The following CSMD3 variants were observed in gnomAD, a reference collection of about 807,000 sequenced individuals.
CSMD3 encodes the protein CUB and sushi domain-containing protein 3.
CSMD3 carries 177 observed loss-of-function variants against 435.2 expected under a neutral mutation model. The observed-to-expected ratio is 0.41, with a 90% confidence interval of 0.36 to 0.46. The LOEUF is 0.46. Ranked by LOEUF, CSMD3 falls within the 20% of genes least tolerant of loss-of-function variation. CSMD3 has a pLI of 0.34. For synonymous variants in CSMD3, 1,656 were observed against 1,520.5 expected, an observed-to-expected ratio of 1.09 and a Z score of -2.07; for missense variants, 4,265 against 4,504.6, an observed-to-expected ratio of 0.95 and a Z score of 1.52.
At chr8:112,507,858 A>G (rs1435536419) in intron 28 of CSMD3, among the ~76,000 whole-genome samples, 1 of 151,870 alleles carries the variant, frequency 6.6e-6, no homozygotes, top group Non-Finnish European at 1.5e-5. Context: ...TCAGTACCTG[A>G]GTCACTCTCA....
chr8:113,274,126 T>C lies in CSMD3; in HGVS notation c.514+4466A>G, dbSNP rs998912930. Among the ~76,000 whole-genome samples the C allele has an allele frequency of 2.0e-5, 3 of 152,064 alleles. No homozygotes were observed. The East Asian group carries it at 5.8e-4, about 29-fold the overall frequency. ...TAAAGTTTTTACATTTTGAAAATCATAATTTCAATATAAAAATTTTAAATG... is the reference window on the plus strand; with the variant it reads ...TAAAGTTTTTACATTTTGAAAATCACAATTTCAATATAAAAATTTTAAATG... On this transcript the variant is annotated intron_variant, in intron 3 of 70. Transcript: ENST00000297405.
chr8:112,403,751 T>C (rs1162831036), intron 35 of CSMD3, among the ~76,000 whole-genome samples: 2 of 151,806 alleles, frequency 1.3e-5, no homozygotes, highest in East Asian at 1.9e-4. Flanking sequence ...CATAAGAATC[T>C]GTGTGTGTTG....
chr8:113,293,236 C>CAT (rs34334494), intron 2 of CSMD3, among the ~76,000 whole-genome samples: 44,689 of 148,866 alleles, frequency 0.3, 7,724 homozygotes, highest in East Asian at 0.69. Flanking sequence ...TATATATATA[C>CAT]ATATATATAT....
intron 13 of CSMD3, among the ~76,000 whole-genome samples, chr8:112,799,705 CAATTTCACA>C (rs2078916078): frequency 6.6e-6 from 1 of 151,818 alleles, no homozygotes; most frequent in African/African-American, 2.4e-5. Flanking sequence ...TGGGCAAAAG[CAATTTCACA>C]AATTTGTGAG....
At chr8:112,417,114 G>A (rs1586255783) in intron 32 of CSMD3, among the ~76,000 whole-genome samples, 1 of 152,252 alleles carries the variant, frequency 6.6e-6, no homozygotes, top group South Asian at 2.1e-4. Context: ...AATGGATGAA[G>A]CAACCTAAAG....
chr8:112,371,093 C>T (rs1828349247), intron 38 of CSMD3, among the ~76,000 whole-genome samples: 1 of 152,126 alleles, frequency 6.6e-6, no homozygotes, highest in South Asian at 2.1e-4. Flanking sequence ...CCCCTGGCCT[C>T]CTACTGGGGA....
At chr8:112,379,628 C>T (rs1279506120) in intron 38 of CSMD3, among the ~76,000 whole-genome samples, 1 of 152,112 alleles carries the variant, frequency 6.6e-6, no homozygotes, top group Non-Finnish European at 1.5e-5. Context: ...CAACTAGATG[C>T]TTATCAAAAT....
Position 113,220,927 on chromosome 8 carries a change from T to C in CSMD3, c.515-47011A>G, listed in dbSNP as rs150668907. ...TCCAGCTGAGAATTCATAACTTCTTTCTAATTATGAGAAACAACAGACAAA... is the reference window on the plus strand; with the variant it reads ...TCCAGCTGAGAATTCATAACTTCTTCCTAATTATGAGAAACAACAGACAAA... On this transcript the variant is annotated intron_variant, in intron 3 of 70. Coordinates refer to ENST00000297405, the MANE Select transcript of CSMD3 (RefSeq NM_198123.2). 1.0e-3 allele frequency among the ~76,000 whole-genome samples: 159 copies of C among 151,468 alleles called. 2 individuals carry two copies. The highest frequency in any genetic ancestry group is 3.6e-3 in the African/African-American group (149 of 41,464).
intron 32 of CSMD3, among the ~76,000 whole-genome samples, chr8:112,433,007 CT>C: frequency 6.6e-6 from 1 of 151,886 alleles, no homozygotes; most frequent in East Asian, 1.9e-4. Flanking sequence ...AATATGTTAA[CT>C]TTTTTTGTAA....
chr8:113,399,911 T>C (rs891262281), intron 1 of CSMD3, among the ~76,000 whole-genome samples: 4 of 151,588 alleles, frequency 2.6e-5, no homozygotes, highest in Admixed American at 2.6e-4. Context: ...TTGTTGATTA[T>C]TTGTATTGGC....
At chr8:112,346,669 C>CTTTTTTTTTTTTTTT (rs1402415225) in intron 40 of CSMD3, among the ~76,000 whole-genome samples, 1 of 111,832 alleles carries the variant, frequency 8.9e-6, no homozygotes, top group African/African-American at 4.4e-5. Context: ...CCTCCTTTTC[C>CTTTTTTTTTTTTTTT]TTTTTTTTTT....
At position 113,194,007 on chromosome 8, in the gene CSMD3, T is replaced by C. The variant is rs543364281; in HGVS notation, c.515-20091A>G. Among the ~76,000 whole-genome samples, 10 of 151,464 alleles carry C rather than the reference T, an allele frequency of 6.6e-5. No individual in the cohort carries two copies. In the East Asian group the frequency reaches 1.9e-3, roughly 29 times the overall value. ...AAACAATAAAAAGCAACATGAATATTGTAGAATTGAAGGACTTAATTTCCA... is the reference window on the plus strand; with the variant it reads ...AAACAATAAAAAGCAACATGAATATCGTAGAATTGAAGGACTTAATTTCCA... On this transcript the variant is annotated intron_variant, in intron 3 of 70. Transcript: ENST00000297405.
chr8:113,062,317 T>C (rs1049986173), intron 5 of CSMD3, among the ~76,000 whole-genome samples: 1 of 151,924 alleles, frequency 6.6e-6, no homozygotes, highest in African/African-American at 2.4e-5. Context: ...TAAGCATGAA[T>C]ATGAACTGCT....
chr8:113,380,734 G>T (rs2133103145), intron 1 of CSMD3, among the ~76,000 whole-genome samples: 1 of 152,152 alleles, frequency 6.6e-6, no homozygotes. Context: ...ATTAATTTTT[G>T]ACTTATGTCG....
intron 7 of CSMD3, among the ~76,000 whole-genome samples, chr8:112,974,893 A>G (rs2084789500): frequency 6.6e-6 from 1 of 151,858 alleles, no homozygotes; most frequent in South Asian, 2.1e-4. Flanking sequence ...GCCTAATCAC[A>G]CTGCAAAAAC....
chr8:112,623,140 T>C (rs915502960), intron 22 of CSMD3, among the ~76,000 whole-genome samples: 5 of 152,114 alleles, frequency 3.3e-5, no homozygotes, highest in Admixed American at 6.6e-5. Flanking sequence ...CAAGGACTGA[T>C]TAAAAAGCAA....
At chr8:112,935,393 A>T (rs1050704386) in intron 9 of CSMD3, among the ~76,000 whole-genome samples, 3 of 152,048 alleles carry the variant, frequency 2.0e-5, no homozygotes, top group Non-Finnish European at 2.9e-5. Flanking sequence ...TTGTGCTTTC[A>T]TGTGAATTTT....
chr8:113,135,700 C>T (rs1044630682), intron 4 of CSMD3, among the ~76,000 whole-genome samples: 3 of 151,616 alleles, frequency 2.0e-5, no homozygotes, highest in Non-Finnish European at 4.4e-5. Context: ...ATATATTTTT[C>T]AGCCAAATCT....
chr8:112,585,409 C>CT (rs56220349), intron 23 of CSMD3, among the ~76,000 whole-genome samples: 24,567 of 146,014 alleles, frequency 0.17, 2,525 homozygotes, highest in South Asian at 0.29. Context: ...TACATTGAGT[C>CT]TTTTTTTTTT....
Sources: gnomAD v4.1 joint callset for allele counts (sites outside exome capture counted in the v4.1 genomes callset) on GRCh38, gnomAD v4.1.1 for gene constraint, MANE v1.5 for transcripts, NCBI Gene and HGNC (gene_info 2026-07-23, HGNC 2026-07-21) for gene names.